Variants in CACNB2 observed in about 807,000 individuals in gnomAD.
CACNB2 encodes voltage-dependent L-type calcium channel subunit beta-2.
In CACNB2, 42 loss-of-function variants were observed where a neutral mutation model predicts 73.3. The ratio of observed to expected loss-of-function variants is 0.57; its 90% CI spans 0.45 to 0.74. The LOEUF is 0.74. Among genes scored for constraint, CACNB2 ranks in the 30% least tolerant of loss-of-function variants. CACNB2 has a pLI of 0.00. For synonymous variants in CACNB2, 348 were observed against 310.3 expected (o/e 1.12, Z -1.28); for missense variants, 940 against 853.0 (o/e 1.10, Z -1.27).
intron 3 of CACNB2, among the ~76,000 whole-genome samples, chr10:18,403,273 T>C (rs2132548419): frequency 6.6e-6 from 1 of 152,302 alleles, no homozygotes; most frequent in Admixed American, 6.5e-5. Flanking sequence ...TCTACCAATG[T>C]TAGCCACGTA....
intron 2 of CACNB2, among the ~76,000 whole-genome samples, chr10:18,271,929 A>C (rs955245528): frequency 2.6e-5 from 4 of 152,134 alleles, no homozygotes; most frequent in African/African-American, 9.7e-5. Context: ...AATTTATGTA[A>C]CCTACCCTGA....
chr10:18,277,881 C>T (rs1027540619), intron 2 of CACNB2, among the ~76,000 whole-genome samples: 1 of 152,020 alleles, frequency 6.6e-6, no homozygotes, highest in Admixed American at 6.6e-5. Context: ...AATCTGTTAT[C>T]CTCACTTAAG....
chr10:18,239,365 G>A (rs959614958), intron 2 of CACNB2, among the ~76,000 whole-genome samples: 17 of 151,910 alleles, frequency 1.1e-4, no homozygotes, highest in African/African-American at 2.4e-4. Context: ...GGGTCCATGC[G>A]TACACACTGT....
chr10:18,356,706 C>T (rs1247846878), intron 2 of CACNB2, among the ~76,000 whole-genome samples: 1 of 152,020 alleles, frequency 6.6e-6, no homozygotes, highest in Non-Finnish European at 1.5e-5. Flanking sequence ...TTGCAGCTCA[C>T]TGCAGCCTTG....
rs536698571 is a variant in CACNB2, at chr10:18,339,713, C to T, written c.214-62211C>T. Among the ~76,000 whole-genome samples, 15 of 152,292 alleles carry T rather than the reference C, an allele frequency of 9.8e-5. No homozygotes were observed. In the South Asian group the frequency reaches 3.1e-3, roughly 32 times the overall value. On this transcript the variant is annotated intron_variant, in intron 2 of 13. Coordinates refer to ENST00000324631, the MANE Select transcript of CACNB2 (RefSeq NM_201596.3). ...CAGCCATGGAGCATACGTAAATGAA[C>T]AAGCCCGTATGTTCCAATAAACATT...
chr10:18,418,617 C>A (rs991549032), intron 3 of CACNB2, among the ~76,000 whole-genome samples: 6 of 152,216 alleles, frequency 3.9e-5, no homozygotes, highest in Non-Finnish European at 8.8e-5. Flanking sequence ...CACTCACAGA[C>A]TGCTAAGTGT....
At chr10:18,281,392 A>G (rs1219036852) in intron 2 of CACNB2, among the ~76,000 whole-genome samples, 2 of 152,230 alleles carry the variant, frequency 1.3e-5, no homozygotes, top group East Asian at 3.8e-4. Flanking sequence ...AACAACAATG[A>G]AAGTCAAACC....
At chr10:18,373,076 A>C (rs1424984547) in intron 2 of CACNB2, among the ~76,000 whole-genome samples, 2 of 152,072 alleles carry the variant, frequency 1.3e-5, no homozygotes, top group Non-Finnish European at 2.9e-5. Flanking sequence ...ATGGCCTCCC[A>C]CAGTGCTAGG....
intron 3 of CACNB2, among the ~76,000 whole-genome samples, chr10:18,477,116 G>C: frequency 6.6e-6 from 1 of 152,228 alleles, no homozygotes; most frequent in Non-Finnish European, 1.5e-5. Context: ...TTATTTGAGC[G>C]TGGAAAGTTG....
At chr10:18,506,996 A>G (rs972714927) in intron 6 of CACNB2, among the ~76,000 whole-genome samples, 3 of 151,994 alleles carry the variant, frequency 2.0e-5, no homozygotes, top group Non-Finnish European at 4.4e-5. Context: ...ATGGAGTTTC[A>G]CCATGTTGCC....
chr10:18,286,722 A>C (rs182107077), intron 2 of CACNB2, among the ~76,000 whole-genome samples: 2 of 152,154 alleles, frequency 1.3e-5, no homozygotes, highest in Non-Finnish European at 2.9e-5. Context: ...TGATTGTGAT[A>C]TATGTGAAAA....
intron 2 of CACNB2, among the ~76,000 whole-genome samples, chr10:18,325,082 A>G (rs1382478511): frequency 6.6e-6 from 1 of 152,200 alleles, no homozygotes; most frequent in Non-Finnish European, 1.5e-5. Context: ...CCACATTTTC[A>G]GTGTGAACTG....
rs146083423 is a variant in CACNB2 at position 18,365,309 on chromosome 10, C to G, written c.214-36615C>G. ...ACCCCTCTGGCCTTGACATTCTCATCAGAATATGAGAGGACAATATAGAGA... is the reference window on the plus strand; with the variant it reads ...ACCCCTCTGGCCTTGACATTCTCATGAGAATATGAGAGGACAATATAGAGA... On this transcript the variant is annotated intron_variant, in intron 2 of 13. Transcript: ENST00000324631. Among the ~76,000 whole-genome samples, 195 of 152,286 alleles carry G rather than the reference C, an allele frequency of 1.3e-3. 1 individual carries two copies. Among genetic ancestry groups the G allele is most frequent in the African/African-American group, 4.5e-3 (185 of 41,570 alleles).
chr10:18,158,079 T>C (rs1266107962), intron 2 of CACNB2, among the ~76,000 whole-genome samples: 1 of 152,148 alleles, frequency 6.6e-6, no homozygotes, highest in African/African-American at 2.4e-5. Flanking sequence ...ACAAAAGTCA[T>C]AGGAACATAA....
chr10:18,146,671 G>C (rs920112640), intron 1 of CACNB2, among the ~76,000 whole-genome samples: 1 of 151,910 alleles, frequency 6.6e-6, no homozygotes, highest in African/African-American at 2.4e-5. Context: ...GTAGAGATGG[G>C]GTTTCACCAT....
chr10:18,228,443 A>AAAAAAAAG (rs1223886177), intron 2 of CACNB2, among the ~76,000 whole-genome samples: 3 of 149,478 alleles, frequency 2.0e-5, no homozygotes, highest in African/African-American at 7.3e-5. Context: ...CAAAAAAAAA[A>AAAAAAAAG]AAAAAAGAAA....
rs1426367265 is a variant in CACNB2 at position 18,442,944 on chromosome 10, G to GTATA, written c.333+40911_333+40914dup. Among the ~76,000 whole-genome samples, 12 of 19,646 alleles carry GTATA rather than the reference G, an allele frequency of 6.1e-4. 1 individual carries two copies. In the East Asian group the frequency reaches 0.017, roughly 28 times the overall value. 12.9% of individuals were successfully genotyped at this position (19,646 alleles called of 152,430 possible). On this transcript the variant is annotated intron_variant, in intron 3 of 13. Transcript: ENST00000324631. ...TATATATGTATATATATATATATGTGTATATATATATATGTATATATATAT... is the reference window on the plus strand; with the variant it reads ...TATATATGTATATATATATATATGTGTATATATATATATATATGTATATATATAT...
At chr10:18,376,092 T>C (rs992899665) in intron 2 of CACNB2, among the ~76,000 whole-genome samples, 5 of 152,148 alleles carry the variant, frequency 3.3e-5, no homozygotes, top group Non-Finnish European at 7.3e-5. Flanking sequence ...GGCAGCATCT[T>C]AAATGTCCAT....
intron 9 of CACNB2, among the ~76,000 whole-genome samples, chr10:18,526,978 A>G (rs574418949): frequency 1.0e-3 from 155 of 152,318 alleles, no homozygotes; most frequent in African/African-American, 2.9e-3. Flanking sequence ...CAACAGTGGG[A>G]TAATAGTAAA....
Sources: allele counts gnomAD v4.1 joint callset (sites outside exome capture counted in the v4.1 genomes callset), GRCh38; gene constraint gnomAD v4.1.1; transcripts MANE v1.5; gene names NCBI Gene and HGNC (gene_info 2026-07-23, HGNC 2026-07-21).